The following DPP6 variants were observed in gnomAD, a reference collection of about 807,000 sequenced individuals.
DPP6 encodes dipeptidyl peptidase like 6.
In DPP6, 69 loss-of-function variants were observed where a neutral mutation model predicts 122.6. The observed-to-expected ratio is 0.56, with a 90% CI of 0.46 to 0.69. DPP6 has a LOEUF of 0.69. Ranked by LOEUF, DPP6 falls within the 30% of genes least tolerant of loss-of-function variation. DPP6 has a pLI of 0.00. For missense variants in DPP6, 928 were observed against 1,116.9 expected, an observed-to-expected ratio of 0.83 and a Z score of 2.41; for synonymous variants, 418 against 433.1, an observed-to-expected ratio of 0.97 and a Z score of 0.43.
intron 1 of DPP6, among the ~76,000 whole-genome samples, chr7:154,411,707 C>T (rs1436557455): frequency 6.6e-6 from 1 of 152,116 alleles, no homozygotes; most frequent in African/African-American, 2.4e-5. Flanking sequence ...AACGATACTT[C>T]TTGGCATATT....
chr7:154,644,660 G>A (rs1158027882), intron 6 of DPP6, among the ~76,000 whole-genome samples: 3 of 152,052 alleles, frequency 2.0e-5, no homozygotes, highest in African/African-American at 4.8e-5. Context: ...TGTAAACTGG[G>A]GAAGCACCAG....
chr7:154,784,892 T>C (rs1452925279), intron 10 of DPP6, among the ~76,000 whole-genome samples: 4 of 152,216 alleles, frequency 2.6e-5, no homozygotes, highest in Non-Finnish European at 5.9e-5. Context: ...TTAAATATCC[T>C]ACTGCTTCTG....
chr7:154,186,717 A>C (rs1410490740), intron 1 of DPP6, among the ~76,000 whole-genome samples: 4 of 152,230 alleles, frequency 2.6e-5, no homozygotes, highest in Non-Finnish European at 4.4e-5. Context: ...TACTCCAAAG[A>C]ATTCCTTAAT....
the DPP6 span, among the ~76,000 whole-genome samples, chr7:153,782,455 G>A: frequency 6.6e-6 from 1 of 152,218 alleles, no homozygotes; most frequent in Non-Finnish European, 1.5e-5. Flanking sequence ...CACAGAGAAA[G>A]AGAGCAGCGG....
At chr7:153,941,276 G>A (rs1019646946) in intron 1 of DPP6, among the ~76,000 whole-genome samples, 3 of 152,210 alleles carry the variant, frequency 2.0e-5, no homozygotes, top group South Asian at 2.1e-4. Flanking sequence ...GGGTGCTAGA[G>A]CTGCCTGTGA....
At chr7:154,127,062 CTCT>C (rs1267114714) in intron 1 of DPP6, among the ~76,000 whole-genome samples, 5 of 152,292 alleles carry the variant, frequency 3.3e-5, no homozygotes, top group Non-Finnish European at 4.4e-5. Context: ...GCTGTATCCC[CTCT>C]TCTTCTTTGC....
chr7:153,800,510 T>G, the DPP6 span, among the ~76,000 whole-genome samples: 1 of 152,144 alleles, frequency 6.6e-6, no homozygotes, highest in African/African-American at 2.4e-5. Flanking sequence ...AACAGCACAG[T>G]GACTACAGTT....
At chr7:153,809,347 C>T in the DPP6 span, among the ~76,000 whole-genome samples, 1 of 151,270 alleles carries the variant, frequency 6.6e-6, no homozygotes, top group East Asian at 1.9e-4. Flanking sequence ...ACCCCTACCA[C>T]GTGTTAGCCT....
chr7:154,155,539 C>T (rs1796634455), intron 1 of DPP6, among the ~76,000 whole-genome samples: 1 of 152,086 alleles, frequency 6.6e-6, no homozygotes, highest in South Asian at 2.1e-4. Context: ...ACTGTGTGTC[C>T]AGAGATAGAA....
At chr7:154,311,559 T>G (rs949264322) in intron 1 of DPP6, among the ~76,000 whole-genome samples, 2 of 152,148 alleles carry the variant, frequency 1.3e-5, no homozygotes, top group East Asian at 1.9e-4. Flanking sequence ...CAATCCTGTT[T>G]GTTGGTGCAA....
chr7:154,887,710 T>C lies in DPP6; in HGVS notation c.2280T>C (p.His760=), dbSNP rs761442912. 13 of 1,613,804 alleles carry C rather than the reference T, an allele frequency of 8.1e-6. No individual in the cohort carries two copies. The Admixed American group carries it at 2.0e-4, about 25-fold the overall frequency. The change falls in exon 23 of 26, where the codon CAT becomes CAC. Residue 760 remains histidine, a synonymous_variant. Coordinates refer to ENST00000377770, the MANE Select transcript of DPP6 (RefSeq NM_130797.4). The part of the protein sequence containing the change: ...SAFSERYLGL[H]GLDNRAYEMT... ...TTTCCGAGAGGTACTTGGGCCTCCATGGACTTGACAACAGAGCATACGAGG... is the reference window on the plus strand; with the variant it reads ...TTTCCGAGAGGTACTTGGGCCTCCACGGACTTGACAACAGAGCATACGAGG...
At chr7:154,121,398 T>G (rs1356735366) in intron 1 of DPP6, among the ~76,000 whole-genome samples, 1 of 152,230 alleles carries the variant, frequency 6.6e-6, no homozygotes, top group East Asian at 1.9e-4. Flanking sequence ...TTAATATAAA[T>G]GTTTACGGCT....
chr7:153,857,673 T>C, the DPP6 span, among the ~76,000 whole-genome samples: 1 of 152,214 alleles, frequency 6.6e-6, no homozygotes, highest in East Asian at 1.9e-4. Flanking sequence ...AGATGCAAAA[T>C]AGATATTATA....
rs1010927017 is a variant in DPP6, at chr7:154,187,311, C to T, written c.243+134248C>T. Among the ~76,000 whole-genome samples, 2 of 152,164 alleles carry T rather than the reference C, an allele frequency of 1.3e-5. 1 individual carries two copies. The highest frequency in any genetic ancestry group is 2.9e-5 in the Non-Finnish European group (2 of 68,044). On this transcript the variant is annotated intron_variant, in intron 1 of 25. Coordinates refer to ENST00000377770, the MANE Select transcript of DPP6 (RefSeq NM_130797.4). ...AAGAGCACAGTTGTTTAAACAAACC[C>T]AAGACCATTCTACTTGCTGTGGCTG...
intron 1 of DPP6, among the ~76,000 whole-genome samples, chr7:153,964,808 TTTCCTTTCCTTTCC>T (rs777359346): frequency 0.012 from 707 of 60,670 alleles, 7 homozygotes; most frequent in Middle Eastern, 0.018. Flanking sequence ...TTTCCTTTCC[TTTCCTTTCCTTTCC>T]TTTCCTTTTC....
chr7:154,501,179 T>C (rs1409908514), intron 3 of DPP6, among the ~76,000 whole-genome samples: 1 of 152,170 alleles, frequency 6.6e-6, no homozygotes, highest in African/African-American at 2.4e-5. Flanking sequence ...CTGGGTGCTA[T>C]TAAAGGCATT....
chr7:153,978,644 T>C lies in DPP6; in HGVS notation c.51+90910T>C, dbSNP rs573331796. Among the ~76,000 whole-genome samples the C allele has an allele frequency of 3.8e-3, 572 of 152,336 alleles. 1 individual carries two copies. The highest frequency in any genetic ancestry group is 0.013 in the African/African-American group (543 of 41,568). Reference sequence around the variant, plus strand: ...ACTTTGCCCATGACTATGTCATGAATGGTATTGCCTAGGTTTTCTTCTAGG... The same window carrying C: ...ACTTTGCCCATGACTATGTCATGAACGGTATTGCCTAGGTTTTCTTCTAGG... On this transcript the variant is annotated intron_variant, in intron 1 of 25. Transcript: ENST00000404039.
intron 1 of DPP6, among the ~76,000 whole-genome samples, chr7:154,383,586 C>G (rs1239947907): frequency 1.3e-5 from 2 of 151,950 alleles, no homozygotes; most frequent in African/African-American, 4.8e-5. Flanking sequence ...AATGACTCAA[C>G]AGTTTTAAAC....
At chr7:153,802,951 C>T in the DPP6 span, among the ~76,000 whole-genome samples, 1 of 151,968 alleles carries the variant, frequency 6.6e-6, no homozygotes, top group African/African-American at 2.4e-5. Context: ...CCTTCCTCGA[C>T]CCTCTGATAT....
Sources: gnomAD v4.1 joint callset for allele counts (sites outside exome capture counted in the v4.1 genomes callset) on GRCh38, gnomAD v4.1.1 for gene constraint, MANE v1.5 for transcripts, NCBI Gene and HGNC (gene_info 2026-07-23, HGNC 2026-07-21) for gene names.